The following SLC15A1 variants were observed in gnomAD, a reference collection of about 807,000 sequenced individuals.
SLC15A1 encodes Caco-2 oligopeptide transporter.
A neutral mutation model predicts 92.9 loss-of-function variants in SLC15A1; 83 were observed. That is an observed-to-expected ratio of 0.89 (90% CI 0.75 to 1.07). The LOEUF is 1.07. Ranked by LOEUF, SLC15A1 falls within the 50% of genes least tolerant of loss-of-function variation. The probability of loss-of-function intolerance (pLI) is 0.00; values close to 1 mark genes in which losing one functional copy is unlikely to be tolerated. For missense variants in SLC15A1, 857 were observed against 880.1 expected, an observed-to-expected ratio of 0.97 and a Z score of 0.33; for synonymous variants, 322 against 318.2, an observed-to-expected ratio of 1.01 and a Z score of -0.13.
intron 21 of SLC15A1, 31 bp from the exon 22 acceptor site, chr13:98,686,328 C>G: frequency 1.4e-6 from 2 of 1,441,936 alleles, no homozygotes; most frequent in Non-Finnish European, 9.7e-7. Flanking sequence ...GAGTCCTGCT[C>G]CAGGTCTCAC....
chr13:98,708,967 C>CTTTTT (rs61087152), intron 14 of SLC15A1, among the ~76,000 whole-genome samples, 200 bp from the exon 15 acceptor site: 3 of 126,738 alleles, frequency 2.4e-5, no homozygotes, highest in African/African-American at 2.9e-5. Context: ...TGCATATTTA[C>CTTTTT]TTTTTTTTTT....
At chr13:98,702,294 C>T (rs2088074228) in intron 18 of SLC15A1, among the ~76,000 whole-genome samples, 186 bp downstream of exon 18, 1 of 152,104 alleles carries the variant, frequency 6.6e-6, no homozygotes, top group South Asian at 2.1e-4. Flanking sequence ...ACAATTTCCT[C>T]TTGAGTTTAC....
chr13:98,729,002 A>C (rs1198480133), intron 1 of SLC15A1, among the ~76,000 whole-genome samples: 2 of 147,172 alleles, frequency 1.4e-5, no homozygotes, highest in East Asian at 2.0e-4. Context: ...AAAAAAAAAA[A>C]AAAACAACAA....
intron 11 of SLC15A1, among the ~76,000 whole-genome samples, chr13:98,711,217 T>A (rs1028910334): frequency 6.6e-6 from 1 of 152,226 alleles, no homozygotes; most frequent in Admixed American, 6.5e-5. Context: ...ATTTTTTCAT[T>A]CTGTAAACCA....
intron 1 of SLC15A1, among the ~76,000 whole-genome samples, chr13:98,735,829 A>G (rs537924981): frequency 6.6e-5 from 10 of 152,344 alleles, no homozygotes; most frequent in East Asian, 1.9e-4. Flanking sequence ...CCACTGCTCA[A>G]TGAAATAAAG....
chr13:98,685,019 G>T, intron 22 of SLC15A1, 104 bp from the exon 23 acceptor site: 1 of 1,039,106 alleles, frequency 9.6e-7, no homozygotes, highest in Non-Finnish European at 1.4e-6. Flanking sequence ...CAGATGGAGA[G>T]TGCTTTGAAA....
intron 7 of SLC15A1, among the ~76,000 whole-genome samples, chr13:98,720,328 C>T (rs535113965): frequency 2.4e-4 from 37 of 152,262 alleles, no homozygotes; most frequent in Admixed American, 5.2e-4. Flanking sequence ...AAAAAATTAT[C>T]CTTTAACAGA....
intron 18 of SLC15A1, among the ~76,000 whole-genome samples, chr13:98,698,393 G>T (rs1310369585): frequency 1.3e-5 from 2 of 152,068 alleles, no homozygotes; most frequent in African/African-American, 2.4e-5. Flanking sequence ...AAAAGTAAAA[G>T]TCCATTTCAC....
intron 15 of SLC15A1, 123 bp from the exon 16 acceptor site, chr13:98,706,376 G>A (rs2088113003): frequency 9.3e-7 from 1 of 1,076,002 alleles, no homozygotes; most frequent in Non-Finnish European, 1.4e-6. Flanking sequence ...AACACGCCAG[G>A]TGTCTCCCAC....
Position 98,688,279 on chromosome 13 carries a change from C to T in SLC15A1, c.1652G>A (p.Gly551Asp). The stretch of plus-strand genomic sequence containing the variant: ...TTGGACTATATAGGTATAAGCACTA[C>T]CAAATTCAAGGTAGAAAGTATTGAA... ...PNFNTFYLEFGSAYTYIVQRK... is the reference protein window; with the variant it reads ...PNFNTFYLEFDSAYTYIVQRK... Residue 551 changes from glycine (G) to aspartate (D), a missense_variant, in exon 20 of 23, where the codon GGT (glycine) becomes GAT (aspartate). Gly to Asp is a moderately conservative substitution (Grantham distance 94). Coordinates refer to ENST00000376503, the MANE Select transcript of SLC15A1 (RefSeq NM_005073.4). The T allele has an allele frequency of 8.1e-6, 13 of 1,613,862 alleles. No homozygotes were observed. Among genetic ancestry groups the T allele is most frequent in the Non-Finnish European group, 1.1e-5 (13 of 1,179,856 alleles).
At chr13:98,728,781 G>C (rs2088322325) in intron 1 of SLC15A1, among the ~76,000 whole-genome samples, 1 of 151,778 alleles carries the variant, frequency 6.6e-6, no homozygotes, top group African/African-American at 2.4e-5. Flanking sequence ...AGGAGTTCAA[G>C]ACCAGCCTGG....
chr13:98,715,519 C>A (rs919209043), intron 9 of SLC15A1, among the ~76,000 whole-genome samples: 56 of 152,160 alleles, frequency 3.7e-4, no homozygotes, highest in African/African-American at 1.4e-3. Flanking sequence ...TGACTTGAAG[C>A]AACTGAACAC....
chr13:98,687,846 A>G (rs2087942794), intron 20 of SLC15A1, 122 bp from the exon 21 acceptor site: 6 of 1,147,658 alleles, frequency 5.2e-6, no homozygotes, highest in Middle Eastern at 2.9e-4. Flanking sequence ...GTACGTACAC[A>G]TTTTAAACAT....
chr13:98,694,808 C>CGA (rs2088008130), intron 18 of SLC15A1, among the ~76,000 whole-genome samples: 1 of 152,006 alleles, frequency 6.6e-6, no homozygotes, highest in Non-Finnish European at 1.5e-5. Context: ...GGGTGGATCA[C>CGA]GAGATCAGGA....
At chr13:98,721,206 C>G (rs1247410319) in intron 7 of SLC15A1, 2 of 573,530 alleles carry the variant, frequency 3.5e-6, no homozygotes, top group Admixed American at 2.2e-5. Flanking sequence ...CCTCTTACCT[C>G]TTACCACGAG....
At chr13:98,725,185 A>C (rs2088288919) in intron 4 of SLC15A1, among the ~76,000 whole-genome samples, 2 of 152,180 alleles carry the variant, frequency 1.3e-5, no homozygotes, top group South Asian at 4.1e-4. Flanking sequence ...CTTTCATCAG[A>C]TGCTTGGTCT....
At position 98,715,961 on chromosome 13, in the gene SLC15A1, C is replaced by A; in HGVS notation, c.641-1G>T. The A allele has an allele frequency of 6.2e-7, 1 of 1,613,892 alleles. No homozygotes were observed. The highest frequency in any genetic ancestry group is 8.5e-7 in the Non-Finnish European group (1 of 1,179,764). The stretch of plus-strand genomic sequence containing the variant: ...ATCCCACTGCCAAGGACAAACACAA[C>A]TAGATAGGGCAGAAGAAGACATGTC... On this transcript the variant is annotated splice_acceptor_variant, in intron 8 of 22. Coordinates refer to ENST00000376503, the MANE Select transcript of SLC15A1 (RefSeq NM_005073.4). LOFTEE classifies it high-confidence loss of function.
At chr13:98,726,321 C>T (rs751082012) in intron 3 of SLC15A1, 47 bp downstream of exon 3, 8 of 1,613,644 alleles carry the variant, frequency 5.0e-6, no homozygotes, top group South Asian at 2.2e-5. Context: ...CTGGTTATGG[C>T]CACTCCCGCT....
rs1179375441 is a variant in SLC15A1 at position 98,726,860 on chromosome 13, C to G, written c.5-1G>C. Reference sequence around the variant, plus strand: ...GTACTCACGTGTGATTTGGACATTCCTAAAAGAAAAACAGAATCCCAATAT... The same window carrying G: ...GTACTCACGTGTGATTTGGACATTCGTAAAAGAAAAACAGAATCCCAATAT... On this transcript the variant is annotated splice_acceptor_variant, in intron 1 of 22. Transcript: ENST00000376503. LOFTEE classifies it high-confidence loss of function. 1 of 1,613,182 alleles carries G rather than the reference C, an allele frequency of 6.2e-7. No homozygotes were observed. The highest frequency in any genetic ancestry group is 8.5e-7 in the Non-Finnish European group (1 of 1,179,264).
Sources: gnomAD v4.1 joint callset for allele counts (sites outside exome capture counted in the v4.1 genomes callset) on GRCh38, gnomAD v4.1.1 for gene constraint, MANE v1.5 for transcripts, NCBI Gene and HGNC (gene_info 2026-07-23, HGNC 2026-07-21) for gene names.